The following FAM185A variants were observed in gnomAD, a reference collection of about 807,000 sequenced individuals.
FAM185A encodes protein FAM185A.
A neutral mutation model predicts 45.7 loss-of-function variants in FAM185A; 21 were observed. That is an observed-to-expected ratio of 0.46 (90% CI 0.33 to 0.66). FAM185A has a LOEUF of 0.66. Among genes scored for constraint, FAM185A ranks in the 30% least tolerant of loss-of-function variants. The probability of loss-of-function intolerance (pLI) is 0.03; values close to 1 mark genes in which losing one functional copy is unlikely to be tolerated. For missense variants in FAM185A, 305 were observed against 485.4 expected, an observed-to-expected ratio of 0.63 and a Z score of 3.49; for synonymous variants, 117 against 194.0, an observed-to-expected ratio of 0.60 and a Z score of 3.30.
At chr7:102,819,643 G>C in the FAM185A span, among the ~76,000 whole-genome samples, 2 of 152,156 alleles carry the variant, frequency 1.3e-5, no homozygotes, top group Non-Finnish European at 2.9e-5. Context: ...TCAAGCATGT[G>C]GAGAGCATTG....
chr7:102,841,449 G>A, the FAM185A span, among the ~76,000 whole-genome samples: 3 of 152,142 alleles, frequency 2.0e-5, no homozygotes, highest in Non-Finnish European at 2.9e-5. Flanking sequence ...TGCTTCAGTT[G>A]TCTGAGAGTG....
the FAM185A span, among the ~76,000 whole-genome samples, chr7:102,816,561 T>C: frequency 6.6e-6 from 1 of 152,172 alleles, no homozygotes; most frequent in Non-Finnish European, 1.5e-5. Context: ...CAGAAGGTTT[T>C]TCTGAGTTCT....
rs1359777583 is a variant in FAM185A at position 102,797,236 on chromosome 7, G to A, written c.1066+9767G>A. Among the ~76,000 whole-genome samples, 11 of 152,326 alleles carry A rather than the reference G, an allele frequency of 7.2e-5. No homozygotes were observed. In the East Asian group the frequency reaches 1.9e-3, roughly 27 times the overall value. On this transcript the variant is annotated intron_variant, in intron 7 of 7. Coordinates refer to ENST00000413034, the MANE Select transcript of FAM185A (RefSeq NM_001145268.2). ...CCAGCACTTTGGGAGGCCGAGGCGG[G>A]CAGATCATGAGGTCAGGAGATAGAG...
intron 6 of FAM185A, among the ~76,000 whole-genome samples, chr7:102,781,509 C>T (rs143862608): frequency 0.028 from 4,203 of 152,262 alleles, 95 homozygotes; most frequent in Non-Finnish European, 0.036. Context: ...CACCAATATC[C>T]GCTGTTCTGC....
rs1793372814 is a variant in FAM185A, at chr7:102,751,695, T to G, written c.455T>G (p.Leu152Ter). ...TTTTTTCTTTTTTTACTTCTAGGTT[T>G]AGATATCAAGTCATCAGGGTCTGGC... Reference protein sequence around the residue: ...VEVNAPLKFGLDIKSSGSGCV... With the variant: ...VEVNAPLKFG The change falls in exon 2 of 8, where the codon TTA (leucine) becomes TGA (stop). Residue 152 changes from leucine to a stop codon, truncating the protein, a stop_gained. Transcript: ENST00000413034. LOFTEE classifies it high-confidence loss of function. The G allele has an allele frequency of 1.5e-5, 23 of 1,539,700 alleles. No homozygotes were observed. The highest frequency in any genetic ancestry group is 1.8e-5 in the Non-Finnish European group (21 of 1,143,892).
At chr7:102,806,021 G>A (rs1169558891) in intron 7 of FAM185A, among the ~76,000 whole-genome samples, 1 of 152,098 alleles carries the variant, frequency 6.6e-6, no homozygotes, top group Non-Finnish European at 1.5e-5. Context: ...AGATCTGTTT[G>A]GTGTGGGGGT....
At chr7:102,799,977 C>T (rs1314871729) in intron 7 of FAM185A, among the ~76,000 whole-genome samples, 1 of 152,140 alleles carries the variant, frequency 6.6e-6, no homozygotes, top group Non-Finnish European at 1.5e-5. Context: ...CCCACAGACC[C>T]TCTGAAGGAA....
chr7:102,776,347 A>G (rs530644100), intron 5 of FAM185A, among the ~76,000 whole-genome samples: 1 of 152,008 alleles, frequency 6.6e-6, no homozygotes, highest in South Asian at 2.1e-4. Context: ...ACTTAGCACT[A>G]ACTCTTCAAG....
At chr7:102,768,066 T>C (rs1794519303) in intron 4 of FAM185A, among the ~76,000 whole-genome samples, 2 of 139,692 alleles carry the variant, frequency 1.4e-5, no homozygotes. Flanking sequence ...TAGCAATAAC[T>C]TTGCCTCCAG....
In FAM185A at chr7:102,757,961, T is replaced by A; in HGVS notation, c.654+15T>A. The A allele has an allele frequency of 6.7e-7, 1 of 1,497,052 alleles. No individual in the cohort carries two copies. The allele number at this position is 1,497,052 out of a possible 1,614,324, so 92.7% of individuals were successfully genotyped here. ...CAGATAAAAGTGTAAGATTGAAACT[T>A]TCTTTTTTTTTTTAGTAATTGCAAC... is the stretch of plus-strand genomic sequence containing the variant. On this transcript the variant is annotated intron_variant, in intron 3 of 7. Transcript: ENST00000413034.
At chr7:102,823,430 G>A in the FAM185A span, among the ~76,000 whole-genome samples, 3 of 152,174 alleles carry the variant, frequency 2.0e-5, no homozygotes, top group African/African-American at 7.2e-5. Flanking sequence ...AAGTAGGTGA[G>A]ACAGATGTTT....
At chr7:102,816,803 T>C in the FAM185A span, among the ~76,000 whole-genome samples, 1 of 152,226 alleles carries the variant, frequency 6.6e-6, no homozygotes, top group African/African-American at 2.4e-5. Context: ...GTGTTTATTG[T>C]TTCCATCTTT....
At chr7:102,774,607 C>G (rs62484890) in intron 5 of FAM185A, among the ~76,000 whole-genome samples, 3,009 of 121,230 alleles carry the variant, frequency 0.025, no homozygotes, top group Admixed American at 0.041. Flanking sequence ...TCTTTTATTC[C>G]TTGTTTGCTT....
the FAM185A span, among the ~76,000 whole-genome samples, chr7:102,815,552 C>T: frequency 6.6e-6 from 1 of 152,132 alleles, no homozygotes; most frequent in African/African-American, 2.4e-5. Flanking sequence ...ACACACACTG[C>T]AGTTCACAGT....
chr7:102,785,242 T>C (rs1349812756), intron 6 of FAM185A, among the ~76,000 whole-genome samples: 7 of 151,600 alleles, frequency 4.6e-5, no homozygotes, highest in Admixed American at 4.6e-4. Context: ...ATCATGAAAA[T>C]GGCCATACTG....
chr7:102,770,849 A>G (rs1794703688), intron 4 of FAM185A, among the ~76,000 whole-genome samples: 1 of 152,196 alleles, frequency 6.6e-6, no homozygotes, highest in Non-Finnish European at 1.5e-5. Flanking sequence ...CAGCAATTCC[A>G]TTACTGGATA....
At chr7:102,826,460 G>A in the FAM185A span, among the ~76,000 whole-genome samples, 2 of 151,878 alleles carry the variant, frequency 1.3e-5, no homozygotes, top group Non-Finnish European at 2.9e-5. Context: ...TATAAGCTGA[G>A]CGTGGTGGCT....
the FAM185A span, among the ~76,000 whole-genome samples, chr7:102,819,202 A>G: frequency 3.9e-5 from 6 of 151,960 alleles, no homozygotes; most frequent in Non-Finnish European, 8.8e-5. Flanking sequence ...GCCTTTCCCC[A>G]CAGAGGGCCA....
At chr7:102,781,258 G>C (rs1490632359) in intron 6 of FAM185A, among the ~76,000 whole-genome samples, 1 of 152,220 alleles carries the variant, frequency 6.6e-6, no homozygotes, top group South Asian at 2.1e-4. Context: ...CCAAACAAAA[G>C]GCAGCAGAAA....
Sources: gnomAD v4.1 joint callset for allele counts (sites outside exome capture counted in the v4.1 genomes callset) on GRCh38, gnomAD v4.1.1 for gene constraint, MANE v1.5 for transcripts, NCBI Gene and HGNC (gene_info 2026-07-23, HGNC 2026-07-21) for gene names.